TRPC7: variants seen among roughly 807,000 people sequenced by gnomAD.
TRPC7 encodes short transient receptor potential channel 7.
In TRPC7, 42 loss-of-function variants were observed where a neutral mutation model predicts 90.1. The ratio of observed to expected loss-of-function variants is 0.47; its 90% CI spans 0.36 to 0.60. TRPC7 has a LOEUF of 0.60. TRPC7 is among the 20% of genes least tolerant of loss of function. The pLI is 0.00. For missense variants in TRPC7, 955 were observed against 1,112.3 expected (o/e 0.86, Z 2.01); for synonymous variants, 451 against 436.3 (o/e 1.03, Z -0.42).
chr5:136,284,887 G>T (rs1488963456), intron 3 of TRPC7, among the ~76,000 whole-genome samples: 1 of 152,210 alleles, frequency 6.6e-6, no homozygotes, highest in East Asian at 1.9e-4. Context: ...GCCTCTGCCT[G>T]TGACTGTGCC....
chr5:136,352,986 T>G (rs1401506367), intron 2 of TRPC7, among the ~76,000 whole-genome samples: 1 of 152,244 alleles, frequency 6.6e-6, no homozygotes, highest in African/African-American at 2.4e-5. Flanking sequence ...AAATGATTAT[T>G]GTTTTAGGAT....
intron 3 of TRPC7, among the ~76,000 whole-genome samples, chr5:136,313,391 C>CTATG (rs1264911808): frequency 3.9e-5 from 6 of 151,928 alleles, no homozygotes; most frequent in Non-Finnish European, 8.8e-5. Context: ...ATCTATCTAT[C>CTATG]TATCTATCTA....
intron 3 of TRPC7, among the ~76,000 whole-genome samples, chr5:136,277,631 C>T (rs1469641362): frequency 1.8e-4 from 28 of 152,168 alleles, no homozygotes; most frequent in Non-Finnish European, 4.4e-5. Flanking sequence ...AGCTAAGGAA[C>T]AAAGGCAGGA....
intron 7 of TRPC7, among the ~76,000 whole-genome samples, chr5:136,232,713 C>G (rs1307701652): frequency 6.6e-6 from 1 of 152,222 alleles, no homozygotes; most frequent in Non-Finnish European, 1.5e-5. Context: ...GGGCATGACA[C>G]TGTATCAGGC....
Position 136,365,406 on chromosome 5 carries a change from C to T in TRPC7, c.-152G>A. On this transcript the variant is annotated 5_prime_UTR_variant, in exon 1 of 12. Coordinates refer to ENST00000513104, the MANE Select transcript of TRPC7 (RefSeq NM_020389.3). ...GCTGGTCAAGTGAGTTAAGTTGCAACGATGTGAAAGCGCGCTCCTCTGTTC... is the reference window on the plus strand; with the variant it reads ...GCTGGTCAAGTGAGTTAAGTTGCAATGATGTGAAAGCGCGCTCCTCTGTTC... The T allele has an allele frequency of 1.3e-6, 1 of 785,278 alleles. No homozygotes were observed. Among genetic ancestry groups the T allele is most frequent in the Non-Finnish European group, 2.1e-6 (1 of 480,962 alleles). The allele number at this position is 785,278 out of a possible 1,614,324, so 48.6% of individuals were successfully genotyped here.
At chr5:136,315,501 C>A in intron 3 of TRPC7, 96 bp downstream of exon 3, 3 of 1,349,372 alleles carry the variant, frequency 2.2e-6, no homozygotes, top group East Asian at 2.4e-5. Flanking sequence ...CATGGTCACC[C>A]TGTGGGAACA....
intron 3 of TRPC7, among the ~76,000 whole-genome samples, chr5:136,292,242 C>A (rs1561704686): frequency 6.6e-6 from 1 of 152,068 alleles, no homozygotes; most frequent in Non-Finnish European, 1.5e-5. Context: ...ACTAGAGAAG[C>A]AAGAGCAAAC....
chr5:136,301,122 T>C (rs919326290), intron 3 of TRPC7, among the ~76,000 whole-genome samples: 6 of 152,096 alleles, frequency 3.9e-5, no homozygotes, highest in Non-Finnish European at 8.8e-5. Flanking sequence ...CTCTGCCTCT[T>C]GGGTTCAAGC....
In TRPC7 at chr5:136,257,529, G is replaced by A. The variant is rs1031518853; in HGVS notation, c.1346-5647C>T. Among the ~76,000 whole-genome samples, 8 of 152,122 alleles carry A rather than the reference G, an allele frequency of 5.3e-5. No individual in the cohort carries two copies. The East Asian group carries it at 1.5e-3, about 29-fold the overall frequency. ...AGTAATTTGAGAGCAGCTGTTTGGAGAAGAATCATGGCTTTATTTAATGAA... is the reference window on the plus strand; with the variant it reads ...AGTAATTTGAGAGCAGCTGTTTGGAAAAGAATCATGGCTTTATTTAATGAA... On this transcript the variant is annotated intron_variant, in intron 5 of 11. Coordinates refer to ENST00000513104, the MANE Select transcript of TRPC7 (RefSeq NM_020389.3).
Position 136,365,504 on chromosome 5 carries a change from A to T in TRPC7, c.-250T>A, listed in dbSNP as rs922967689. 1.2e-5 allele frequency: 7 copies of T among 566,874 alleles called. No homozygotes were observed. Among genetic ancestry groups the T allele is most frequent in the Admixed American group, 9.0e-5 (3 of 33,334 alleles). The allele number at this position is 566,874 out of a possible 1,614,324, so 35.1% of individuals were successfully genotyped here. A position where few individuals can be genotyped will look rare whatever the true frequency, so the allele number is the denominator to read the frequency against. Reference sequence around the variant, plus strand: ...ACCGTCCTTTTCCTAATCGGGGGGAAATTTCCCAGAGAACATGACGGAGAA... The same window carrying T: ...ACCGTCCTTTTCCTAATCGGGGGGATATTTCCCAGAGAACATGACGGAGAA... On this transcript the variant is annotated 5_prime_UTR_variant, in exon 1 of 12. Transcript: ENST00000513104.
chr5:136,264,843 G>C (rs545967387), intron 5 of TRPC7, among the ~76,000 whole-genome samples: 1 of 152,036 alleles, frequency 6.6e-6, no homozygotes, highest in South Asian at 2.1e-4. Flanking sequence ...CACCCCCTTC[G>C]GCCTTCCAAA....
chr5:136,308,193 A>G (rs1405685402), intron 3 of TRPC7, among the ~76,000 whole-genome samples: 1 of 152,220 alleles, frequency 6.6e-6, no homozygotes, highest in Non-Finnish European at 1.5e-5. Flanking sequence ...TTGCTTCTTG[A>G]GAAAACAAAA....
intron 3 of TRPC7, among the ~76,000 whole-genome samples, chr5:136,308,769 G>A (rs1446633478): frequency 6.6e-6 from 1 of 152,212 alleles, no homozygotes; most frequent in Non-Finnish European, 1.5e-5. Context: ...TAGGATTGGA[G>A]CAGTGTCCAC....
At chr5:136,302,725 G>T (rs1432586733) in intron 3 of TRPC7, among the ~76,000 whole-genome samples, 1 of 152,170 alleles carries the variant, frequency 6.6e-6, no homozygotes, top group Non-Finnish European at 1.5e-5. Flanking sequence ...GCTGGAAAAT[G>T]GCACTTTCAA....
At position 136,356,917 on chromosome 5, in the gene TRPC7, G is replaced by A. The variant is rs753491646; in HGVS notation, c.471C>T (p.Asp157=). Residue 157 remains aspartate (D), a synonymous_variant, in exon 2 of 12, where the codon GAC becomes GAT. Coordinates refer to ENST00000513104, the MANE Select transcript of TRPC7 (RefSeq NM_020389.3). ...RDDDFYAYDE[D]GTRFSHDITP... ...TGATGTCGTGGGAGAAGCGCGTGCC[G>A]TCCTCGTCGTAGGCATAGAAGTCGT... 5 of 1,613,690 alleles carry A rather than the reference G, an allele frequency of 3.1e-6. No individual in the cohort carries two copies. Among genetic ancestry groups the A allele is most frequent in the Admixed American group, 1.7e-5 (1 of 60,026 alleles).
At chr5:136,261,225 C>G (rs1472670006) in intron 5 of TRPC7, among the ~76,000 whole-genome samples, 2 of 152,192 alleles carry the variant, frequency 1.3e-5, no homozygotes, top group Non-Finnish European at 2.9e-5. Context: ...GCTCCAGATG[C>G]TATTTAGAAC....
In TRPC7 at chr5:136,247,610, G is replaced by T; in HGVS notation, c.1705C>A (p.Gln569Lys). The T allele has an allele frequency of 6.2e-7, 1 of 1,614,012 alleles. No individual in the cohort carries two copies. The highest frequency in any genetic ancestry group is 8.5e-7 in the Non-Finnish European group (1 of 1,179,892). ...TTCACAGTTCTCCCTAGCGAGATCT[G>T]CAGGGGCCCAAAACTCTCGTTGGCT... is the stretch of plus-strand genomic sequence containing the variant. ...LPANESFGPL[Q>K]ISLGRTVKDI... is the part of the protein sequence containing the mutation. Residue 569 changes from glutamine (Q) to lysine (K), a missense_variant, in exon 7 of 12, where the codon CAG (glutamine) becomes AAG (lysine). Physicochemically the swap from Gln to Lys is moderately conservative, Grantham distance 53. Transcript: ENST00000513104. This position sits in a 1 kb window ranked among gnomAD's most constrained non-coding sequence, Gnocchi z 4.2.
intron 11 of TRPC7, among the ~76,000 whole-genome samples, chr5:136,215,317 G>A (rs1046082880): frequency 4.6e-5 from 7 of 152,228 alleles, no homozygotes; most frequent in African/African-American, 1.4e-4. Flanking sequence ...GCTCAAGGCT[G>A]CCATTGCTGT....
chr5:136,231,670 T>C (rs1755821619), intron 7 of TRPC7, 121 bp from the exon 8 acceptor site: 5 of 911,704 alleles, frequency 5.5e-6, no homozygotes, highest in Non-Finnish European at 8.1e-6. Context: ...AGTGGCTCAA[T>C]CATGGCTCAC....
Sources: gnomAD v4.1 joint callset for allele counts (sites outside exome capture counted in the v4.1 genomes callset) on GRCh38, gnomAD v4.1.1 for gene constraint, Gnocchi (gnomAD v3.1) non-coding constraint, MANE v1.5 for transcripts, NCBI Gene and HGNC (gene_info 2026-07-23, HGNC 2026-07-21) for gene names.